The following NCAPG2 variants were observed in gnomAD, a reference collection of about 807,000 sequenced individuals.
The protein encoded by NCAPG2 is condensin-2 complex subunit G2.
Under a neutral mutation model 141.1 loss-of-function variants are expected in NCAPG2, and 53 were observed. That is an observed-to-expected ratio of 0.38 (90% confidence interval 0.30 to 0.47). The LOEUF (loss-of-function observed/expected upper bound fraction) is 0.47. Ranked by LOEUF, NCAPG2 falls within the 20% of genes least tolerant of loss-of-function variation. NCAPG2 has a pLI of 0.99. For synonymous variants in NCAPG2, 499 were observed against 490.7 expected, an observed-to-expected ratio of 1.02 and a Z score of -0.22; for missense variants, 1,087 against 1,389.0, an observed-to-expected ratio of 0.78 and a Z score of 3.46.
chr7:158,652,329 T>C lies in NCAPG2; in HGVS notation c.2898A>G (p.Ala966=). The C allele has an allele frequency of 1.2e-6, 2 of 1,613,962 alleles. No individual in the cohort carries two copies. The highest frequency in any genetic ancestry group is 1.7e-6 in the Non-Finnish European group (2 of 1,180,012). ...CTTCCGGCTGCTTCCTGAAGCTCCG[T>C]GCAATACATTCCAACATTTTCTGAA... ...KVFQKMLECI[A]RSFRKQPEEG... is the part of the protein sequence containing the mutation. Residue 966 remains alanine (A), a synonymous_variant, in exon 23 of 28, where the codon GCA becomes GCG. Coordinates refer to ENST00000356309, the MANE Select transcript of NCAPG2 (RefSeq NM_017760.7).
intron 24 of NCAPG2, among the ~76,000 whole-genome samples, chr7:158,647,534 T>G (rs936614144): frequency 2.0e-5 from 3 of 152,352 alleles, no homozygotes; most frequent in Admixed American, 2.0e-4. Context: ...AAAGTCCAAG[T>G]GCAGAATTCC....
intron 10 of NCAPG2, 116 bp from the exon 11 acceptor site, chr7:158,680,201 TACAG>T (rs1834361063): frequency 3.4e-6 from 4 of 1,178,070 alleles, no homozygotes; most frequent in Non-Finnish European, 3.6e-6. Flanking sequence ...ATTTTCAAAT[TACAG>T]ACAATTATAA....
intron 2 of NCAPG2, among the ~76,000 whole-genome samples, chr7:158,697,009 T>C (rs1005946159): frequency 6.6e-6 from 1 of 152,254 alleles, no homozygotes; most frequent in Non-Finnish European, 1.5e-5. Flanking sequence ...ATTAATCACA[T>C]TTGTGGTAAT....
intron 1 of NCAPG2, among the ~76,000 whole-genome samples, chr7:158,703,239 GGA>G (rs1454722152): frequency 6.6e-6 from 1 of 152,184 alleles, no homozygotes; most frequent in Admixed American, 6.5e-5. Flanking sequence ...GGGAGGGAAG[GGA>G]GAGTGGCCAG....
chr7:158,696,708 T>A (rs1237407879), intron 2 of NCAPG2: 1 of 152,252 alleles, frequency 6.6e-6, no homozygotes, highest in Non-Finnish European at 1.5e-5. Flanking sequence ...AAATTACTTC[T>A]CCACCCTAAC....
Position 158,644,288 on chromosome 7 carries a change from C to T in NCAPG2, c.3380+1G>A. ...ACATCTGGTGAATATCTCTCCTTTA[C>T]CTTTCAATGCTATCCTCTTCCAAAG... is the stretch of plus-strand genomic sequence containing the variant. On this transcript the variant is annotated splice_donor_variant, in intron 27 of 27. Transcript: ENST00000356309. LOFTEE classifies it high-confidence loss of function. 1.2e-6 allele frequency: 2 copies of T among 1,604,008 alleles called. No individual in the cohort carries two copies. The highest frequency in any genetic ancestry group is 1.7e-6 in the Non-Finnish European group (2 of 1,170,830).
intron 27 of NCAPG2, among the ~76,000 whole-genome samples, chr7:158,637,392 T>C (rs1410764550): frequency 3.4e-5 from 5 of 148,904 alleles, no homozygotes; most frequent in Non-Finnish European, 5.9e-5. Context: ...CCCATCACCG[T>C]GGGGTGCTGG....
chr7:158,697,073 C>T (rs960023067), intron 2 of NCAPG2, among the ~76,000 whole-genome samples: 1 of 151,816 alleles, frequency 6.6e-6, no homozygotes, highest in South Asian at 2.1e-4. Context: ...ATTCCTTCTA[C>T]ATTTTTTTAA....
intron 25 of NCAPG2, 148 bp from the exon 26 acceptor site, chr7:158,645,767 A>G: frequency 1.5e-6 from 1 of 671,064 alleles, no homozygotes; most frequent in East Asian, 2.7e-5. Context: ...CATGCTTTTC[A>G]TGGAGAGTGT....
chr7:158,701,988 T>C, intron 1 of NCAPG2, 50 bp from the exon 2 acceptor site: 1 of 1,166,894 alleles, frequency 8.6e-7, no homozygotes, highest in Non-Finnish European at 1.2e-6. Flanking sequence ...TATCTTTTCC[T>C]GTAAGATTTA....
intron 2 of NCAPG2, among the ~76,000 whole-genome samples, chr7:158,694,415 G>A (rs1445001794): frequency 6.6e-6 from 1 of 152,298 alleles, no homozygotes; most frequent in Non-Finnish European, 1.5e-5. Flanking sequence ...GAAGCCTGGT[G>A]AGCAGCAGGA....
At chr7:158,698,834 G>T (rs1835617760) in intron 2 of NCAPG2, among the ~76,000 whole-genome samples, 1 of 149,318 alleles carries the variant, frequency 6.7e-6, no homozygotes, top group African/African-American at 2.5e-5. Flanking sequence ...CACCCAGGCT[G>T]GAGTGCAGTT....
At chr7:158,693,087 T>C in intron 3 of NCAPG2, 131 bp from the exon 4 acceptor site, 4 of 820,354 alleles carry the variant, frequency 4.9e-6, no homozygotes, top group Non-Finnish European at 7.6e-6. Flanking sequence ...AGAATTAAAG[T>C]TGAATAAAAG....
In NCAPG2 at chr7:158,664,248, C is replaced by T. The variant is rs761269441; in HGVS notation, c.1751G>A (p.Arg584Lys). 6.2e-7 allele frequency: 1 copy of T among 1,613,938 alleles called. No individual in the cohort carries two copies. Residue 584 changes from arginine (R) to lysine (K), a missense_variant, in exon 15 of 28, where the codon AGG (arginine) becomes AAG (lysine). By Grantham distance (26) the Arg-to-Lys change is conservative (BLOSUM62 2). Transcript: ENST00000356309. ...GTCCTCTGGAGGCTCTCTCACTGCCCTCTGGATACAGGCATTTAAGCAATG... is the reference window on the plus strand; with the variant it reads ...GTCCTCTGGAGGCTCTCTCACTGCCTTCTGGATACAGGCATTTAAGCAATG... ...IRHCLNACIQ[R>K]AVREPPEDEE...
intron 1 of NCAPG2, among the ~76,000 whole-genome samples, chr7:158,702,995 T>C (rs1442916930): frequency 1.3e-5 from 2 of 152,246 alleles, no homozygotes; most frequent in Non-Finnish European, 2.9e-5. Flanking sequence ...TATGCTTAGA[T>C]ATGTTTAGCG....
Position 158,688,500 on chromosome 7 carries a change from A to G in NCAPG2, c.673-1058T>C, listed in dbSNP as rs528663280. 1.6e-4 allele frequency among the ~76,000 whole-genome samples: 24 copies of G among 152,366 alleles called. 1 individual carries two copies. Among genetic ancestry groups the G allele is most frequent in the African/African-American group, 5.3e-4 (22 of 41,586 alleles). On this transcript the variant is annotated intron_variant, in intron 6 of 27. Transcript: ENST00000356309. ...TAATTTCTTCACTCTCCCATTTCAG[A>G]ACAATCCTGGAGACATGTGTGGGGC...
chr7:158,641,385 T>TA, intron 27 of NCAPG2: 2 of 470,258 alleles, frequency 4.3e-6, no homozygotes, highest in South Asian at 4.2e-5. Context: ...ATACTGTCTA[T>TA]AAAAAAACCA....
rs78822205 is a variant in NCAPG2 at position 158,635,779 on chromosome 7, C to T, written c.3381-4062G>A. 9.6e-3 allele frequency among the ~76,000 whole-genome samples: 1,465 copies of T among 152,246 alleles called. 95 individuals carry two copies. Among genetic ancestry groups the T allele is most frequent in the Admixed American group, 0.086 (1,316 of 15,296 alleles). ...AAAACTAGATTAGTTGTTAAGAAAA[C>T]GTGCACTTTTAAATCAAGCTCCACT... On this transcript the variant is annotated intron_variant, in intron 27 of 27. Coordinates refer to ENST00000356309, the MANE Select transcript of NCAPG2 (RefSeq NM_017760.7).
At chr7:158,652,597 T>A (rs41271184) in intron 22 of NCAPG2, 117 bp from the exon 23 acceptor site, 24 of 873,620 alleles carry the variant, frequency 2.7e-5, no homozygotes, top group Non-Finnish European at 3.9e-5. Flanking sequence ...TATTACACTT[T>A]GGTATTTGGT....
Sources: gnomAD v4.1 joint callset for allele counts (sites outside exome capture counted in the v4.1 genomes callset) on GRCh38, gnomAD v4.1.1 for gene constraint, MANE v1.5 for transcripts, NCBI Gene and HGNC (gene_info 2026-07-23, HGNC 2026-07-21) for gene names.